CHIC2: variants seen among roughly 807,000 people sequenced by gnomAD.
CHIC2 encodes the protein cysteine rich hydrophobic domain 2.
Under a neutral mutation model 25.9 loss-of-function variants are expected in CHIC2, and 14 were observed. That is an observed-to-expected ratio of 0.54 (90% CI 0.36 to 0.85). The LOEUF is 0.85. CHIC2 is among the 40% of genes least tolerant of loss of function. The pLI is 0.01. For synonymous variants in CHIC2, 70 were observed against 72.0 expected (o/e 0.97, Z 0.14); for missense variants, 146 against 202.0 (o/e 0.72, Z 1.68).
chr4:54,051,517 C>T (rs368531101), intron 1 of CHIC2, among the ~76,000 whole-genome samples: 110 of 152,208 alleles, frequency 7.2e-4, no homozygotes, highest in African/African-American at 2.2e-3. Flanking sequence ...TTTATCCTCA[C>T]AACCAACATT....
the CHIC2 span, among the ~76,000 whole-genome samples, chr4:54,079,713 G>T: frequency 2.6e-5 from 4 of 151,496 alleles, no homozygotes; most frequent in Non-Finnish European, 5.9e-5. Flanking sequence ...AACCACAATG[G>T]GATATCACTT....
chr4:54,044,560 T>C (rs1183284219), intron 3 of CHIC2, among the ~76,000 whole-genome samples: 21 of 151,416 alleles, frequency 1.4e-4, no homozygotes, highest in African/African-American at 4.6e-4. Flanking sequence ...GGGTACATAA[T>C]GAAATGAAGG....
chr4:54,012,528 T>C (rs1420588116), intron 5 of CHIC2, among the ~76,000 whole-genome samples: 1 of 152,130 alleles, frequency 6.6e-6, no homozygotes, highest in Admixed American at 6.6e-5. Context: ...ATGAAAAAAT[T>C]AATACCTCAG....
chr4:54,010,167 G>A, intron 5 of CHIC2, 22 bp from the exon 6 acceptor site: 1 of 1,565,894 alleles, frequency 6.4e-7, no homozygotes, highest in Non-Finnish European at 8.7e-7. Context: ...GAAGAAAAAG[G>A]TTTTAAAAGA....
the CHIC2 span, among the ~76,000 whole-genome samples, chr4:54,079,459 CA>C: frequency 2.6e-5 from 4 of 151,798 alleles, no homozygotes; most frequent in Admixed American, 1.3e-4. Context: ...GCAAAGAAAA[CA>C]AGCAACAAAT....
chr4:54,036,471 C>G (rs1716387059), intron 3 of CHIC2, among the ~76,000 whole-genome samples: 1 of 152,092 alleles, frequency 6.6e-6, no homozygotes, highest in African/African-American at 2.4e-5. Context: ...AGAGCAGGAG[C>G]AACGGGGTTG....
intron 3 of CHIC2, among the ~76,000 whole-genome samples, chr4:54,036,947 C>T (rs190690778): frequency 6.0e-4 from 91 of 151,906 alleles, no homozygotes; most frequent in African/African-American, 2.1e-3. Flanking sequence ...ACCAAAATGT[C>T]CATCAGCAGG....
intron 3 of CHIC2, among the ~76,000 whole-genome samples, chr4:54,018,955 T>C (rs1715819092): frequency 6.6e-6 from 1 of 151,946 alleles, no homozygotes; most frequent in Non-Finnish European, 1.5e-5. Context: ...ATATTCATAA[T>C]CTTGTTTTTA....
chr4:54,088,241 C>T, the CHIC2 span, among the ~76,000 whole-genome samples: 1 of 152,010 alleles, frequency 6.6e-6, no homozygotes, highest in East Asian at 1.9e-4. Flanking sequence ...GCAAATCCGT[C>T]TATGTTGTTC....
the CHIC2 span, among the ~76,000 whole-genome samples, chr4:54,086,604 G>A: frequency 1.3e-5 from 2 of 152,116 alleles, no homozygotes; most frequent in Non-Finnish European, 2.9e-5. Flanking sequence ...TGCTATGGGA[G>A]AAAAAAATAG....
the CHIC2 span, among the ~76,000 whole-genome samples, chr4:54,072,241 G>A: frequency 7.2e-5 from 11 of 151,744 alleles, no homozygotes; most frequent in African/African-American, 2.7e-4. Flanking sequence ...AGGGGAGCTT[G>A]CAGTGAGCCG....
At chr4:54,039,552 ATAAC>A (rs1200460205) in intron 3 of CHIC2, among the ~76,000 whole-genome samples, 1 of 152,240 alleles carries the variant, frequency 6.6e-6, no homozygotes, top group East Asian at 1.9e-4. Context: ...TATAATTTCT[ATAAC>A]TAACCATATC....
the CHIC2 span, among the ~76,000 whole-genome samples, chr4:54,080,626 C>A: frequency 6.6e-6 from 1 of 151,322 alleles, no homozygotes; most frequent in Non-Finnish European, 1.5e-5. Flanking sequence ...ATTAGCTGGG[C>A]GTGGTGGCAC....
At chr4:54,091,280 A>G in the CHIC2 span, among the ~76,000 whole-genome samples, 3 of 152,086 alleles carry the variant, frequency 2.0e-5, no homozygotes, top group Non-Finnish European at 2.9e-5. Context: ...CTCCAGGACC[A>G]GCAGAGCGGG....
intron 5 of CHIC2, 42 bp downstream of exon 5, chr4:54,013,795 A>T (rs1404206316): frequency 1.3e-6 from 2 of 1,574,112 alleles, no homozygotes; most frequent in Admixed American, 1.7e-5. Context: ...AAAATAAATG[A>T]TCATTTAATA....
chr4:54,029,798 G>C (rs552843074), intron 3 of CHIC2, among the ~76,000 whole-genome samples: 4 of 152,254 alleles, frequency 2.6e-5, no homozygotes, highest in Admixed American at 2.6e-4. Context: ...AACTGAATAA[G>C]GATATTTTAT....
intron 3 of CHIC2, among the ~76,000 whole-genome samples, chr4:54,020,888 GC>G (rs1254593704): frequency 6.6e-6 from 1 of 152,120 alleles, no homozygotes; most frequent in Non-Finnish European, 1.5e-5. Flanking sequence ...TCTGATCACT[GC>G]AGGGACGCCT....
chr4:54,037,730 T>C (rs1716439075), intron 3 of CHIC2, among the ~76,000 whole-genome samples: 1 of 152,072 alleles, frequency 6.6e-6, no homozygotes, highest in East Asian at 1.9e-4. Context: ...AGTAATAAAA[T>C]TAAACTAGAA....
intron 1 of CHIC2, among the ~76,000 whole-genome samples, chr4:54,058,913 C>T (rs1717254419): frequency 6.6e-6 from 1 of 151,574 alleles, no homozygotes; most frequent in Non-Finnish European, 1.5e-5. Context: ...CCATTTAATC[C>T]CTCTTTTCCA....
Sources: allele counts gnomAD v4.1 joint callset (sites outside exome capture counted in the v4.1 genomes callset), GRCh38; gene constraint gnomAD v4.1.1; transcripts MANE v1.5; gene names NCBI Gene and HGNC (gene_info 2026-07-23, HGNC 2026-07-21).